The following PKHD1 variants were observed in gnomAD, a reference collection of about 807,000 sequenced individuals.
PKHD1 encodes the protein PKHD1 ciliary IPT domain containing fibrocystin/polyductin.
A neutral mutation model predicts 412.0 loss-of-function variants in PKHD1; 291 were observed. The observed-to-expected ratio is 0.71, with a 90% CI of 0.64 to 0.78. The LOEUF (loss-of-function observed/expected upper bound fraction) is 0.78. Ranked by LOEUF, PKHD1 falls within the 30% of genes least tolerant of loss-of-function variation. The probability of loss-of-function intolerance (pLI) is 0.00; values close to 1 mark genes in which losing one functional copy is unlikely to be tolerated. For synonymous variants in PKHD1, 1,777 were observed against 1,821.5 expected, an observed-to-expected ratio of 0.98 and a Z score of 0.62; for missense variants, 4,825 against 4,950.7, an observed-to-expected ratio of 0.97 and a Z score of 0.76.
intron 51 of PKHD1, among the ~76,000 whole-genome samples, chr6:51,835,170 T>C (rs556556649): frequency 6.6e-6 from 1 of 152,260 alleles, no homozygotes; most frequent in East Asian, 1.9e-4. Flanking sequence ...AGAGAATCCT[T>C]AGTACAGAAA....
At chr6:51,655,398 C>T (rs1389861929) in intron 61 of PKHD1, among the ~76,000 whole-genome samples, 1 of 152,042 alleles carries the variant, frequency 6.6e-6, no homozygotes, top group African/African-American at 2.4e-5. Flanking sequence ...CTTCTCTATT[C>T]CAAAGCAACC....
At position 51,618,665 on chromosome 6, in the gene PKHD1, T is replaced by C; in HGVS notation, c.*416A>G. 6 of 298,292 alleles carry C rather than the reference T, an allele frequency of 2.0e-5. No homozygotes were observed. Among genetic ancestry groups the C allele is most frequent in the South Asian group, 2.0e-4 (6 of 30,554 alleles). The allele number at this position is 298,292 out of a possible 1,614,324, so 18.5% of individuals were successfully genotyped here. A position where few individuals can be genotyped will look rare whatever the true frequency, so the allele number is the denominator to read the frequency against. ...ATGCTTTTCTGTAACAGTGTGGAATTAAACTGTAGCTGACCAGACCTTTTC... is the reference window on the plus strand; with the variant it reads ...ATGCTTTTCTGTAACAGTGTGGAATCAAACTGTAGCTGACCAGACCTTTTC... On this transcript the variant is annotated 3_prime_UTR_variant, in exon 67 of 67. Coordinates refer to ENST00000371117, the MANE Select transcript of PKHD1 (RefSeq NM_138694.4).
At chr6:52,065,277 G>A (rs1353998320) in intron 12 of PKHD1, among the ~76,000 whole-genome samples, 3 of 150,988 alleles carry the variant, frequency 2.0e-5, no homozygotes, top group African/African-American at 7.3e-5. Context: ...AAGGCAAAGG[G>A]CTGGGTGTGG....
intron 60 of PKHD1, among the ~76,000 whole-genome samples, chr6:51,665,102 G>A (rs1773515292): frequency 6.6e-6 from 1 of 151,876 alleles, no homozygotes; most frequent in Non-Finnish European, 1.5e-5. Context: ...CAACGAACAA[G>A]ATATCTTTTC....
chr6:52,037,454 T>C (rs1804132094), intron 27 of PKHD1, among the ~76,000 whole-genome samples: 1 of 152,036 alleles, frequency 6.6e-6, no homozygotes, highest in African/African-American at 2.4e-5. Context: ...AGGGCAAATA[T>C]CCTTAATACA....
In PKHD1 at chr6:51,617,286, C is replaced by G. The variant is rs1249049850; in HGVS notation, c.*1795G>C. The stretch of plus-strand genomic sequence containing the variant: ...TAGAGATTGCAAAGGCAAATGACTT[C>G]AAGACCGAGAATCTACAAAAAAAGA... On this transcript the variant is annotated 3_prime_UTR_variant, in exon 67 of 67. Coordinates refer to ENST00000371117, the MANE Select transcript of PKHD1 (RefSeq NM_138694.4). 6.6e-6 allele frequency: 1 copy of G among 152,058 alleles called. No individual in the cohort carries two copies. Among genetic ancestry groups the G allele is most frequent in the East Asian group, 1.9e-4 (1 of 5,180 alleles). 9.4% of individuals were successfully genotyped at this position (152,058 alleles called of 1,614,324 possible).
At chr6:52,086,288 T>C (rs1025022936) in intron 1 of PKHD1, among the ~76,000 whole-genome samples, 2 of 151,840 alleles carry the variant, frequency 1.3e-5, no homozygotes, top group African/African-American at 4.8e-5. Flanking sequence ...TTTTTGAATT[T>C]TTTGTAGAGA....
In PKHD1 at chr6:51,620,626, C is replaced by T. The variant is rs1447270236; in HGVS notation, c.11786-1106G>A. On this transcript the variant is annotated intron_variant, in intron 66 of 66. Transcript: ENST00000371117. ...TTATTAAGCTTTTTGTTATTTTTTT[C>T]CTGAGTTCATTGAGAGCTGTCTTGG... Among the ~76,000 whole-genome samples, 10 of 151,676 alleles carry T rather than the reference C, an allele frequency of 6.6e-5. No homozygotes were observed. In the South Asian group the frequency reaches 2.1e-3, roughly 32 times the overall value.
chr6:52,009,758 G>T (rs1799569126), intron 35 of PKHD1, among the ~76,000 whole-genome samples: 1 of 152,094 alleles, frequency 6.6e-6, no homozygotes, highest in African/African-American at 2.4e-5. Context: ...GAGTGGTTTA[G>T]ACAATTTCAA....
intron 60 of PKHD1, among the ~76,000 whole-genome samples, chr6:51,668,634 G>A (rs1382831700): frequency 1.3e-5 from 2 of 152,196 alleles, no homozygotes; most frequent in Admixed American, 1.3e-4. Context: ...AGTTTTCAAA[G>A]GGAATGCTTC....
chr6:51,738,741 G>C (rs1207945932), intron 60 of PKHD1, among the ~76,000 whole-genome samples: 1 of 152,088 alleles, frequency 6.6e-6, no homozygotes, highest in Admixed American at 6.6e-5. Context: ...GCACACAGTG[G>C]TCTCCTTTCC....
intron 34 of PKHD1, among the ~76,000 whole-genome samples, chr6:52,016,719 A>G (rs1014872824): frequency 1.3e-5 from 2 of 152,208 alleles, no homozygotes; most frequent in Non-Finnish European, 2.9e-5. Flanking sequence ...TACGTAAGAC[A>G]TAAAGAAGTT....
At chr6:51,781,145 T>TAAAC (rs1383387416) in intron 53 of PKHD1, among the ~76,000 whole-genome samples, 3 of 152,152 alleles carry the variant, frequency 2.0e-5, no homozygotes, top group Non-Finnish European at 4.4e-5. Context: ...TACTATCATA[T>TAAAC]AAACCCAAGC....
At chr6:51,640,679 C>T (rs1210392924) in intron 63 of PKHD1, among the ~76,000 whole-genome samples, 2 of 152,080 alleles carry the variant, frequency 1.3e-5, no homozygotes, top group Non-Finnish European at 2.9e-5. Context: ...TCTAAAATAC[C>T]TTTGCAGCCC....
At chr6:51,812,541 A>T (rs572813013) in intron 52 of PKHD1, among the ~76,000 whole-genome samples, 5 of 152,324 alleles carry the variant, frequency 3.3e-5, no homozygotes, top group African/African-American at 9.6e-5. Context: ...TGACAAACAG[A>T]CTATTTTGGA....
intron 36 of PKHD1, among the ~76,000 whole-genome samples, chr6:51,959,359 G>A (rs769708551): frequency 6.6e-6 from 1 of 152,074 alleles, no homozygotes; most frequent in African/African-American, 2.4e-5. Context: ...GTTGAAATTC[G>A]AAATCTCAGC....
intron 57 of PKHD1, among the ~76,000 whole-genome samples, chr6:51,752,679 C>T (rs1346805011): frequency 2.0e-5 from 3 of 152,124 alleles, no homozygotes; most frequent in Admixed American, 6.6e-5. Flanking sequence ...ATAAGGAACA[C>T]AAGTTTAAGA....
chr6:52,071,799 T>C (rs942401110), intron 8 of PKHD1, among the ~76,000 whole-genome samples: 29 of 152,126 alleles, frequency 1.9e-4, no homozygotes. Context: ...CTAATAACCA[T>C]ACATACTCCC....
rs573006629 is a variant in PKHD1, at chr6:52,006,657, A to G, written c.5751+3652T>C. Among the ~76,000 whole-genome samples the G allele has an allele frequency of 5.3e-5, 8 of 152,274 alleles. No individual in the cohort carries two copies. The South Asian group carries it at 1.2e-3, about 24-fold the overall frequency. The stretch of plus-strand genomic sequence containing the variant: ...ATCCCAAAGTGCTGGGATTACAGGC[A>G]TGAGCCACCACACCTGGCTGAAAAA... On this transcript the variant is annotated intron_variant, in intron 35 of 66. Coordinates refer to ENST00000371117, the MANE Select transcript of PKHD1 (RefSeq NM_138694.4).
Sources: allele counts gnomAD v4.1 joint callset (sites outside exome capture counted in the v4.1 genomes callset), GRCh38; gene constraint gnomAD v4.1.1; transcripts MANE v1.5; gene names NCBI Gene and HGNC (gene_info 2026-07-23, HGNC 2026-07-21).